Variants in PRKN observed in about 807,000 individuals in gnomAD.
The protein encoded by PRKN is parkin RBR E3 ubiquitin protein ligase.
Under a neutral mutation model 59.5 loss-of-function variants are expected in PRKN, and 56 were observed. The observed-to-expected ratio is 0.94, with a 90% CI of 0.76 to 1.18. The LOEUF (loss-of-function observed/expected upper bound fraction) is 1.18, where lower values mean the gene tolerates loss of function less well. Among genes scored for constraint, PRKN ranks in the 50% most tolerant of loss-of-function variants. The pLI, the probability that PRKN is intolerant of heterozygous loss-of-function variation, is 0.00. For synonymous variants in PRKN, 250 were observed against 222.1 expected (o/e 1.13, Z -1.12); for missense variants, 657 against 596.4 (o/e 1.10, Z -1.06).
chr6:162,493,609 T>A (rs773291871), intron 1 of PRKN, among the ~76,000 whole-genome samples: 1 of 152,220 alleles, frequency 6.6e-6, no homozygotes, highest in Admixed American at 6.5e-5. Context: ...TCAAGAAATA[T>A]GAGCAGTGAA....
Position 161,593,019 on chromosome 6 carries a change from A to T in PRKN, c.872-23603T>A, listed in dbSNP as rs1476784952. Among the ~76,000 whole-genome samples, 2 of 152,194 alleles carry T rather than the reference A, an allele frequency of 1.3e-5. No homozygotes were observed. The highest frequency in any genetic ancestry group is 2.9e-5 in the Non-Finnish European group (2 of 68,026). On this transcript the variant is annotated intron_variant, in intron 7 of 11. Transcript: ENST00000366898. This position sits in a 1 kb window ranked among gnomAD's most constrained non-coding sequence, Gnocchi z 4.8. Reference sequence around the variant, plus strand: ...TACATTATAATAATGTGAGATTTACAGAAGAGTTGTAACGACTGCACAGAG... The same window carrying T: ...TACATTATAATAATGTGAGATTTACTGAAGAGTTGTAACGACTGCACAGAG...
chr6:162,605,350 A>T (rs1432732263), intron 1 of PRKN, among the ~76,000 whole-genome samples: 1 of 152,154 alleles, frequency 6.6e-6, no homozygotes, highest in South Asian at 2.1e-4. Context: ...AATTACCGAC[A>T]ATGTTACTTG....
intron 1 of PRKN, among the ~76,000 whole-genome samples, chr6:162,558,947 T>A (rs1404733823): frequency 6.6e-6 from 1 of 152,058 alleles, no homozygotes. Context: ...AGCCAACTTT[T>A]CTACTTTAAA....
At chr6:162,394,999 A>T (rs1270882546) in intron 2 of PRKN, among the ~76,000 whole-genome samples, 1 of 152,180 alleles carries the variant, frequency 6.6e-6, no homozygotes, top group Non-Finnish European at 1.5e-5. Flanking sequence ...ATTTGCAGTA[A>T]AAAGCTAACA....
intron 1 of PRKN, among the ~76,000 whole-genome samples, chr6:162,691,257 C>A (rs575408144): frequency 1.3e-5 from 2 of 151,886 alleles, no homozygotes; most frequent in Non-Finnish European, 2.9e-5. Flanking sequence ...AAAGTAAACA[C>A]ATTTTTTCAA....
At chr6:162,661,591 G>T (rs1377871745) in intron 1 of PRKN, among the ~76,000 whole-genome samples, 2 of 152,176 alleles carry the variant, frequency 1.3e-5, no homozygotes, top group Non-Finnish European at 2.9e-5. Context: ...TAACCAAACA[G>T]ATTCTAAACT....
chr6:161,721,014 A>T (rs1489915717), intron 7 of PRKN, among the ~76,000 whole-genome samples: 2 of 152,306 alleles, frequency 1.3e-5, no homozygotes, highest in East Asian at 3.9e-4. Flanking sequence ...ATCATGGAAA[A>T]ACTTTCCCAA....
chr6:162,117,091 C>A (rs547627907), intron 4 of PRKN, among the ~76,000 whole-genome samples: 31 of 152,242 alleles, frequency 2.0e-4, no homozygotes, highest in African/African-American at 7.5e-4. Flanking sequence ...GGGAAAGCAG[C>A]TGTAATTCAC....
chr6:161,622,003 C>T (rs1365654089), intron 7 of PRKN, among the ~76,000 whole-genome samples: 4 of 152,176 alleles, frequency 2.6e-5, no homozygotes, highest in Admixed American at 6.5e-5. Context: ...TGCCTTACCA[C>T]GTGTATGCCG....
intron 3 of PRKN, among the ~76,000 whole-genome samples, chr6:162,245,982 C>T (rs1020933147): frequency 6.6e-6 from 1 of 152,114 alleles, no homozygotes; most frequent in Admixed American, 6.6e-5. Flanking sequence ...TGGACTAATA[C>T]ATTTTTGTGA....
Position 161,942,833 on chromosome 6 carries a change from T to C in PRKN, c.734+30469A>G, listed in dbSNP as rs149088783. The stretch of plus-strand genomic sequence containing the variant: ...GATCTGTAATAAAAAATACAGCATA[T>C]ACCCCTTTAAGAGTAGGCAAAAAGA... On this transcript the variant is annotated intron_variant, in intron 6 of 11. Coordinates refer to ENST00000366898, the MANE Select transcript of PRKN (RefSeq NM_004562.3). 7.8e-3 allele frequency among the ~76,000 whole-genome samples: 1,182 copies of C among 152,308 alleles called. 8 individuals carry two copies. The highest frequency in any genetic ancestry group is 0.027 in the African/African-American group (1,125 of 41,570).
Position 161,560,344 on chromosome 6 carries a change from T to C in PRKN, c.933+9011A>G, listed in dbSNP as rs935018420. On this transcript the variant is annotated intron_variant, in intron 8 of 11. Transcript: ENST00000366898. The surrounding 1 kb of genome is among the most constrained non-coding windows in gnomAD (Gnocchi z 4.9). Reference sequence around the variant, plus strand: ...CATCTTTCAAGGCCAGAGGTGAAGATGGTTGTCCCTTGGCTCCTTAACGAC... The same window carrying C: ...CATCTTTCAAGGCCAGAGGTGAAGACGGTTGTCCCTTGGCTCCTTAACGAC... 6.6e-5 allele frequency among the ~76,000 whole-genome samples: 10 copies of C among 152,186 alleles called. No homozygotes were observed. The highest frequency in any genetic ancestry group is 1.4e-4 in the African/African-American group (6 of 41,452).
intron 6 of PRKN, among the ~76,000 whole-genome samples, chr6:161,818,738 TC>T (rs1791895769): frequency 6.6e-6 from 1 of 152,012 alleles, no homozygotes; most frequent in African/African-American, 2.4e-5. Context: ...ATGTAATTTT[TC>T]CCTCAAAAAA....
chr6:162,726,747 C>G (rs1779221954), intron 1 of PRKN, among the ~76,000 whole-genome samples: 1 of 152,168 alleles, frequency 6.6e-6, no homozygotes, highest in Non-Finnish European at 1.5e-5. Context: ...GGACCCTCCT[C>G]AGGAATAAAC....
At chr6:162,233,893 C>T (rs12663868) in intron 3 of PRKN, among the ~76,000 whole-genome samples, 29,180 of 152,122 alleles carry the variant, frequency 0.19, 3,715 homozygotes, top group East Asian at 0.59. Flanking sequence ...TCACCAGATG[C>T]CGGTGGCATG....
Position 161,437,015 on chromosome 6 carries a change from C to T in PRKN, c.1084-50138G>A, listed in dbSNP as rs139421532. Among the ~76,000 whole-genome samples, 303 of 152,210 alleles carry T rather than the reference C, an allele frequency of 2.0e-3. 2 individuals are homozygous for T. The highest frequency in any genetic ancestry group is 6.5e-3 in the African/African-American group (269 of 41,508). ...TCACCCCCATTATCCAAGGGGGATACGTTCCCAGACCCTCAGTGTATGCTG... is the reference window on the plus strand; with the variant it reads ...TCACCCCCATTATCCAAGGGGGATATGTTCCCAGACCCTCAGTGTATGCTG... On this transcript the variant is annotated intron_variant, in intron 9 of 11. Transcript: ENST00000366898.
chr6:162,364,602 G>A (rs1027424888), intron 2 of PRKN, among the ~76,000 whole-genome samples: 1 of 152,144 alleles, frequency 6.6e-6, no homozygotes, highest in Non-Finnish European at 1.5e-5. Flanking sequence ...AAAGCCCCAC[G>A]CTCGGTGCCT....
chr6:162,104,795 A>T (rs139770506), intron 4 of PRKN, among the ~76,000 whole-genome samples: 1 of 152,216 alleles, frequency 6.6e-6, no homozygotes, highest in Admixed American at 6.5e-5. Flanking sequence ...AAAAATATAC[A>T]AAGAAAGAGA....
chr6:162,307,987 G>C (rs993964408), intron 2 of PRKN, among the ~76,000 whole-genome samples: 3 of 152,168 alleles, frequency 2.0e-5, no homozygotes, highest in African/African-American at 7.2e-5. Context: ...GACATTTAAG[G>C]ATTAAAGGCT....
Sources: allele counts gnomAD v4.1 joint callset (sites outside exome capture counted in the v4.1 genomes callset), GRCh38; gene constraint gnomAD v4.1.1; non-coding constraint Gnocchi (gnomAD v3.1); transcripts MANE v1.5; gene names NCBI Gene and HGNC (gene_info 2026-07-23, HGNC 2026-07-21).